MTCL2: variants seen among roughly 807,000 people sequenced by gnomAD.
MTCL2 encodes the protein microtubule cross-linking factor 2.
chr20:36,842,329 A>C, the MTCL2 span, among the ~76,000 whole-genome samples: 1 of 152,252 alleles, frequency 6.6e-6, no homozygotes, highest in Admixed American at 6.5e-5. Flanking sequence ...CAATCATTAG[A>C]TACTAAGTGT....
chr20:36,808,982 A>C, the MTCL2 span, among the ~76,000 whole-genome samples: 1 of 152,200 alleles, frequency 6.6e-6, no homozygotes, highest in Non-Finnish European at 1.5e-5. Flanking sequence ...AAACCATGAC[A>C]TCATATACTG....
chr20:36,784,666 C>T, the MTCL2 span: 1 of 985,452 alleles, frequency 1.0e-6, no homozygotes, highest in South Asian at 4.7e-5. Flanking sequence ...GGAGGCGCTG[C>T]CCCACATGCT....
At chr20:36,856,004 A>G in the MTCL2 span, among the ~76,000 whole-genome samples, 7 of 152,254 alleles carry the variant, frequency 4.6e-5, no homozygotes, top group South Asian at 1.0e-3. Context: ...CTTTGCTGCA[A>G]CAAGACCACT....
At chr20:36,863,497 C>A in the MTCL2 span, 11 of 455,236 alleles carry the variant, frequency 2.4e-5, no homozygotes, top group Non-Finnish European at 3.1e-5. The surrounding 1 kb of genome is among the most constrained non-coding windows in gnomAD (Gnocchi z 6.2). Context: ...CGTCCCAAGC[C>A]CCGCCGCGCG....
chr20:36,786,387 G>A, the MTCL2 span: 2 of 1,407,292 alleles, frequency 1.4e-6, no homozygotes, highest in East Asian at 5.1e-5. Flanking sequence ...AGGCAATGCT[G>A]AGGACACAGC....
the MTCL2 span, among the ~76,000 whole-genome samples, chr20:36,856,840 G>A: frequency 2.7e-5 from 4 of 146,348 alleles, no homozygotes; most frequent in Non-Finnish European, 4.5e-5. Flanking sequence ...ATGTCACAGC[G>A]TGTGTGTGTG....
the MTCL2 span, among the ~76,000 whole-genome samples, chr20:36,843,893 A>T: frequency 6.6e-6 from 1 of 152,220 alleles, no homozygotes; most frequent in Non-Finnish European, 1.5e-5. Context: ...CACTAGAGTC[A>T]TTTTTGGAAA....
the MTCL2 span, chr20:36,863,385 A>G: frequency 1.2e-5 from 14 of 1,148,076 alleles, no homozygotes; most frequent in Admixed American, 2.9e-4. The surrounding 1 kb of genome is among the most constrained non-coding windows in gnomAD (Gnocchi z 6.2). Context: ...CGCATGGCCC[A>G]GGCCCGCCCG....
the MTCL2 span, among the ~76,000 whole-genome samples, chr20:36,798,744 G>T: frequency 6.6e-6 from 1 of 152,130 alleles, no homozygotes; most frequent in South Asian, 2.1e-4. Flanking sequence ...CATATCTTAC[G>T]TGGTTTCTTC....
At chr20:36,797,694 G>A in the MTCL2 span, 2 of 864,108 alleles carry the variant, frequency 2.3e-6, no homozygotes, top group East Asian at 2.7e-5. Flanking sequence ...TCATGGACAA[G>A]GGGCCACCTT....
chr20:36,841,872 G>GGGGGGTGTGT, the MTCL2 span, among the ~76,000 whole-genome samples: 6,312 of 71,246 alleles, frequency 0.089, 234 homozygotes, highest in East Asian at 0.18. Context: ...GGTGGGGGGT[G>GGGGGGTGTGT]GGGTGTGTGT....
At chr20:36,835,795 C>A in the MTCL2 span, among the ~76,000 whole-genome samples, 1 of 152,010 alleles carries the variant, frequency 6.6e-6, no homozygotes, top group Non-Finnish European at 1.5e-5. Flanking sequence ...ACAGAAACGG[C>A]CCCTCCTCTC....
chr20:36,816,184 G>A, the MTCL2 span: 643 of 1,613,424 alleles, frequency 4.0e-4, 1 homozygote, highest in Middle Eastern at 1.5e-3. Context: ...TAGAGCGAGC[G>A]GTACTTCAGC....
chr20:36,859,653 C>A, the MTCL2 span: 2 of 1,231,776 alleles, frequency 1.6e-6, no homozygotes, highest in South Asian at 8.2e-5. Flanking sequence ...GACCCCAGAG[C>A]AGACCATACC....
chr20:36,843,323 C>G, the MTCL2 span, among the ~76,000 whole-genome samples: 1 of 152,218 alleles, frequency 6.6e-6, no homozygotes, highest in Admixed American at 6.5e-5. Flanking sequence ...AACTCAGAGT[C>G]AGGGTTAGGG....
chr20:36,781,081 C>T, the MTCL2 span: 2 of 152,144 alleles, frequency 1.3e-5, no homozygotes, highest in Non-Finnish European at 2.9e-5. Flanking sequence ...TGCTTTTTTA[C>T]TTCTTATTTT....
At chr20:36,849,495 C>T in the MTCL2 span, among the ~76,000 whole-genome samples, 2 of 152,044 alleles carry the variant, frequency 1.3e-5, no homozygotes, top group Admixed American at 1.3e-4. Flanking sequence ...AGCACAGTGG[C>T]TTGATCACAG....
the MTCL2 span, among the ~76,000 whole-genome samples, chr20:36,824,255 T>C: frequency 1.3e-5 from 2 of 152,226 alleles, no homozygotes; most frequent in African/African-American, 2.4e-5. Flanking sequence ...AGCAGCATTA[T>C]TCATAGTAGC....
chr20:36,815,584 C>T, the MTCL2 span: 2 of 1,578,818 alleles, frequency 1.3e-6, no homozygotes, highest in Admixed American at 1.8e-5. This position sits in a 1 kb window ranked among gnomAD's most constrained non-coding sequence, Gnocchi z 5.3. Context: ...CCGGCCTCGG[C>T]GTCCGTCTCC....
Sources: gnomAD v4.1 joint callset for allele counts (sites outside exome capture counted in the v4.1 genomes callset) on GRCh38, gnomAD v4.1.1 for gene constraint, Gnocchi (gnomAD v3.1) non-coding constraint, MANE v1.5 for transcripts, NCBI Gene and HGNC (gene_info 2026-07-23, HGNC 2026-07-21) for gene names.